ZFHX3: variants seen among roughly 807,000 people sequenced by gnomAD.
The protein encoded by ZFHX3 is zinc finger homeobox protein 3.
In ZFHX3, 42 loss-of-function variants were observed where a neutral mutation model predicts 279.1. That is an observed-to-expected ratio of 0.15 (90% CI 0.12 to 0.19). The LOEUF (loss-of-function observed/expected upper bound fraction) is 0.19, where lower values mean the gene tolerates loss of function less well. ZFHX3 is among the 10% of genes least tolerant of loss of function. The probability of loss-of-function intolerance (pLI) is 1.00; values close to 1 mark genes in which losing one functional copy is unlikely to be tolerated. For missense variants in ZFHX3, 4,981 were observed against 4,754.0 expected (o/e 1.05, Z -1.40); for synonymous variants, 2,293 against 1,957.8 (o/e 1.17, Z -4.52).
chr16:73,855,358 T>C (rs1463910979), intron 1 of ZFHX3, among the ~76,000 whole-genome samples: 2 of 151,750 alleles, frequency 1.3e-5, no homozygotes, highest in Non-Finnish European at 2.9e-5. Flanking sequence ...TCTCCCAGCC[T>C]CTCAAGCTGG....
chr16:72,898,512 A>G (rs1021560025), intron 3 of ZFHX3, among the ~76,000 whole-genome samples: 12 of 152,202 alleles, frequency 7.9e-5, no homozygotes, highest in African/African-American at 2.9e-4. Flanking sequence ...TCTAGAAGGA[A>G]AATAACTAAG....
intron 1 of ZFHX3, among the ~76,000 whole-genome samples, chr16:73,053,460 T>G (rs1308868453): frequency 6.6e-6 from 1 of 151,774 alleles, no homozygotes; most frequent in Non-Finnish European, 1.5e-5. Context: ...CTCCGAGTCG[T>G]CATTACAAGG....
chr16:73,454,574 C>A (rs200992919), intron 3 of ZFHX3, among the ~76,000 whole-genome samples: 132 of 137,324 alleles, frequency 9.6e-4, no homozygotes, highest in Middle Eastern at 3.6e-3. Flanking sequence ...CCAAATTTCT[C>A]AAAAAAAAAA....
At position 73,624,343 on chromosome 16, in the gene ZFHX3, A is replaced by C. The variant is rs539900672; in HGVS notation, c.-1547+55837T>G. 7.1e-4 allele frequency among the ~76,000 whole-genome samples: 108 copies of C among 152,316 alleles called. 2 individuals carry two copies. The highest frequency in any genetic ancestry group is 2.5e-3 in the African/African-American group (106 of 41,570). On this transcript the variant is annotated intron_variant, in intron 2 of 17. Coordinates refer to the ZFHX3 transcript ENST00000641206. ...AGGCTGATTTCAAGCTATAAATCTG[A>C]ATTTCATTGCCGTTATCGTGAGTTT...
intron 4 of ZFHX3, among the ~76,000 whole-genome samples, chr16:73,313,343 A>G (rs1338222006): frequency 6.6e-6 from 1 of 152,200 alleles, no homozygotes; most frequent in Non-Finnish European, 1.5e-5. Flanking sequence ...GAACAGACGA[A>G]TACAGCCAGA....
At chr16:72,802,290 A>G (rs2036126359) in intron 7 of ZFHX3, among the ~76,000 whole-genome samples, 1 of 152,096 alleles carries the variant, frequency 6.6e-6, no homozygotes, top group Non-Finnish European at 1.5e-5. Flanking sequence ...AAAAAAAAAG[A>G]CACCAATTCA....
intron 5 of ZFHX3, among the ~76,000 whole-genome samples, chr16:73,215,486 C>T (rs1029707692): frequency 6.6e-6 from 1 of 152,206 alleles, no homozygotes; most frequent in South Asian, 2.1e-4. Flanking sequence ...AATGTTTCAA[C>T]CAGCCATTTA....
intron 1 of ZFHX3, among the ~76,000 whole-genome samples, chr16:73,725,784 G>A (rs2053513859): frequency 6.6e-6 from 1 of 152,092 alleles, no homozygotes; most frequent in African/African-American, 2.4e-5. Context: ...TAAACCATGA[G>A]AGATTCAAGT....
chr16:72,926,043 G>C (rs1455105207), intron 3 of ZFHX3, among the ~76,000 whole-genome samples: 3 of 152,142 alleles, frequency 2.0e-5, no homozygotes, highest in Non-Finnish European at 4.4e-5. Context: ...AAAATTCTGT[G>C]ATCTATTTAA....
At chr16:73,038,958 C>G (rs1179753142) in intron 1 of ZFHX3, among the ~76,000 whole-genome samples, 1 of 151,714 alleles carries the variant, frequency 6.6e-6, no homozygotes, top group African/African-American at 2.4e-5. Context: ...CCACCACGCC[C>G]GGCTAATTTT....
At chr16:73,173,414 A>G (rs1437302063) in intron 5 of ZFHX3, among the ~76,000 whole-genome samples, 2 of 98,368 alleles carry the variant, frequency 2.0e-5, no homozygotes, top group African/African-American at 4.0e-5. Flanking sequence ...CGCTCTCCCC[A>G]AGATATCTGG....
chr16:73,065,802 G>A (rs980928577), intron 8 of ZFHX3, among the ~76,000 whole-genome samples: 5 of 151,678 alleles, frequency 3.3e-5, no homozygotes, highest in Non-Finnish European at 7.4e-5. Context: ...AAATAAAGTT[G>A]AAAAAAAATT....
chr16:73,247,796 T>A (rs2013343475), intron 5 of ZFHX3, among the ~76,000 whole-genome samples: 1 of 152,162 alleles, frequency 6.6e-6, no homozygotes, highest in Non-Finnish European at 1.5e-5. Context: ...TGTGTATATG[T>A]GTTTGTATGT....
intron 2 of ZFHX3, among the ~76,000 whole-genome samples, chr16:73,571,750 G>A (rs957708677): frequency 6.6e-6 from 1 of 152,144 alleles, no homozygotes; most frequent in Non-Finnish European, 1.5e-5. Context: ...AAAACACTAA[G>A]TCGAAATTCA....
intron 5 of ZFHX3, among the ~76,000 whole-genome samples, chr16:73,254,938 T>TCCATCCATCCAC (rs955157277): frequency 5.3e-5 from 8 of 152,166 alleles, no homozygotes; most frequent in Admixed American, 3.9e-4. Context: ...CCACCATCCA[T>TCCATCCATCCAC]CCATCCATCC....
In ZFHX3 at chr16:73,249,769, G is replaced by GAA. The variant is rs58916233; in HGVS notation, c.-1104+7276_-1104+7277dup. On this transcript the variant is annotated intron_variant, in intron 5 of 17. Coordinates refer to the ZFHX3 transcript ENST00000641206. ...GCAAATAGTACTGACATATAAGTAA[G>GAA]AAAAAAAACCCAGTTAACTCAAAGA... Among the ~76,000 whole-genome samples, 47 of 149,538 alleles carry GAA rather than the reference G, an allele frequency of 3.1e-4. No homozygotes were observed. In the South Asian group the frequency reaches 8.1e-3, roughly 26 times the overall value.
At chr16:72,848,346 G>A (rs568980717) in intron 4 of ZFHX3, among the ~76,000 whole-genome samples, 27 of 152,058 alleles carry the variant, frequency 1.8e-4, no homozygotes, top group Admixed American at 7.2e-4. Context: ...CCGCACACTC[G>A]GTGCCTTCAA....
chr16:73,113,856 G>A (rs919549079), intron 7 of ZFHX3, among the ~76,000 whole-genome samples: 1 of 138,428 alleles, frequency 7.2e-6, no homozygotes, highest in Non-Finnish European at 1.5e-5. Flanking sequence ...GTGCAGTGGC[G>A]CGATCTCTGC....
At chr16:72,993,227 C>T (rs545440724) in intron 1 of ZFHX3, among the ~76,000 whole-genome samples, 29 of 152,326 alleles carry the variant, frequency 1.9e-4, no homozygotes, top group Admixed American at 3.3e-4. Flanking sequence ...GCTGCCTGCT[C>T]CTATCACCCA....
Sources: allele counts gnomAD v4.1 joint callset (sites outside exome capture counted in the v4.1 genomes callset), GRCh38; gene constraint gnomAD v4.1.1; transcripts MANE v1.5; gene names NCBI Gene and HGNC (gene_info 2026-07-23, HGNC 2026-07-21).